The following IGBP1C variants were observed in gnomAD, a reference collection of about 807,000 sequenced individuals.
The protein encoded by IGBP1C is immunoglobulin-binding protein 1 family member C.
chr17:58,667,380 C>T, the IGBP1C span, among the ~76,000 whole-genome samples: 1 of 152,132 alleles, frequency 6.6e-6, no homozygotes, highest in Non-Finnish European at 1.5e-5. Context: ...AAGACTAAAA[C>T]AAATACATTA....
the IGBP1C span, among the ~76,000 whole-genome samples, chr17:58,678,818 TATA>T: frequency 0.02 from 2,808 of 137,298 alleles, 48 homozygotes; most frequent in African/African-American, 0.039. Context: ...GAACTTAAAG[TATA>T]ATAATAATAA....
chr17:58,688,397 G>C, the IGBP1C span, among the ~76,000 whole-genome samples: 1 of 152,160 alleles, frequency 6.6e-6, no homozygotes, highest in Non-Finnish European at 1.5e-5. Context: ...TGGGATTACA[G>C]GTGTGAGCCA....
chr17:58,676,574 C>G, the IGBP1C span, among the ~76,000 whole-genome samples: 2 of 151,852 alleles, frequency 1.3e-5, no homozygotes, highest in Non-Finnish European at 2.9e-5. Flanking sequence ...CAAAAGAAAA[C>G]AAAACAAAAC....
the IGBP1C span, among the ~76,000 whole-genome samples, chr17:58,676,144 C>T: frequency 6.6e-6 from 1 of 152,044 alleles, no homozygotes; most frequent in African/African-American, 2.4e-5. Context: ...GGAAGGCTGA[C>T]GCAGGCAGAT....
chr17:58,661,725 G>T, the IGBP1C span: 1 of 574,632 alleles, frequency 1.7e-6, no homozygotes, highest in South Asian at 2.3e-5. Context: ...GGAGGCGGTG[G>T]CGTTGGGGGC....
At chr17:58,668,692 T>C in the IGBP1C span, among the ~76,000 whole-genome samples, 1 of 152,214 alleles carries the variant, frequency 6.6e-6, no homozygotes, top group Non-Finnish European at 1.5e-5. Context: ...AGGACTTCTT[T>C]TTTTTATTTT....
At chr17:58,661,584 C>T in the IGBP1C span, 2 of 728,174 alleles carry the variant, frequency 2.7e-6, no homozygotes, top group Admixed American at 2.1e-5. Flanking sequence ...AGGAACTCGT[C>T]TTCAGCAGCT....
At chr17:58,685,310 C>T in the IGBP1C span, among the ~76,000 whole-genome samples, 1 of 151,786 alleles carries the variant, frequency 6.6e-6, no homozygotes, top group African/African-American at 2.4e-5. Flanking sequence ...GTGGTGCACA[C>T]CTGTAATCCC....
the IGBP1C span, among the ~76,000 whole-genome samples, chr17:58,685,044 A>T: frequency 6.6e-6 from 1 of 152,236 alleles, no homozygotes; most frequent in African/African-American, 2.4e-5. Context: ...ATTCAAATGT[A>T]GATCTAAACC....
the IGBP1C span, among the ~76,000 whole-genome samples, chr17:58,673,100 G>A: frequency 4.6e-5 from 7 of 151,936 alleles, no homozygotes; most frequent in Non-Finnish European, 7.4e-5. Flanking sequence ...CATGACAGTG[G>A]AGCCACTCCC....
chr17:58,660,737 G>C, the IGBP1C span: 2 of 781,250 alleles, frequency 2.6e-6, no homozygotes, highest in Admixed American at 3.4e-5. Flanking sequence ...TGTTGCCTTG[G>C]CTATTCCCTG....
the IGBP1C span, among the ~76,000 whole-genome samples, chr17:58,690,904 T>C: frequency 6.6e-6 from 1 of 152,278 alleles, no homozygotes; most frequent in East Asian, 1.9e-4. Flanking sequence ...TTTCACTCTA[T>C]CACCCAAGCT....
the IGBP1C span, among the ~76,000 whole-genome samples, chr17:58,674,081 C>G: frequency 6.6e-6 from 1 of 152,104 alleles, no homozygotes; most frequent in African/African-American, 2.4e-5. Context: ...CAAGACCAGT[C>G]TGGCCAACAT....
chr17:58,670,247 G>A, the IGBP1C span, among the ~76,000 whole-genome samples: 2 of 152,022 alleles, frequency 1.3e-5, no homozygotes, highest in Admixed American at 6.6e-5. Flanking sequence ...ACAGACTGTC[G>A]AAGGACCTGA....
At chr17:58,674,767 G>C in the IGBP1C span, among the ~76,000 whole-genome samples, 2 of 146,038 alleles carry the variant, frequency 1.4e-5, no homozygotes, top group Non-Finnish European at 3.0e-5. Context: ...AAAAGCACAA[G>C]TATAGTATGT....
chr17:58,667,723 A>G, the IGBP1C span, among the ~76,000 whole-genome samples: 1 of 152,024 alleles, frequency 6.6e-6, no homozygotes, highest in Non-Finnish European at 1.5e-5. Flanking sequence ...TGTCTCTACT[A>G]AAAATACAAA....
At chr17:58,688,347 T>C in the IGBP1C span, among the ~76,000 whole-genome samples, 2 of 152,280 alleles carry the variant, frequency 1.3e-5, no homozygotes, top group South Asian at 2.1e-4. Context: ...CTTGAACTCC[T>C]GACCTCAAGT....
At chr17:58,672,050 CTG>C in the IGBP1C span, among the ~76,000 whole-genome samples, 1 of 152,176 alleles carries the variant, frequency 6.6e-6, no homozygotes, top group African/African-American at 2.4e-5. Context: ...CAGGATGAAA[CTG>C]TTCCACCTCA....
At chr17:58,684,612 G>A in the IGBP1C span, among the ~76,000 whole-genome samples, 189 of 150,926 alleles carry the variant, frequency 1.3e-3, 2 homozygotes, top group East Asian at 0.034. Context: ...CAGCCTGGGC[G>A]ACAGTGAGAC....
Sources: allele counts gnomAD v4.1 joint callset (sites outside exome capture counted in the v4.1 genomes callset), GRCh38; gene constraint gnomAD v4.1.1; transcripts MANE v1.5; gene names NCBI Gene and HGNC (gene_info 2026-07-23, HGNC 2026-07-21).